CDK2: variants seen among roughly 807,000 people sequenced by gnomAD.
The protein encoded by CDK2 is cyclin-dependent kinase 2.
In CDK2, 8 loss-of-function variants were observed where a neutral mutation model predicts 35.0. That is an observed-to-expected ratio of 0.23 (90% CI 0.13 to 0.41). CDK2 has a LOEUF of 0.41. CDK2 is among the 10% of genes least tolerant of loss of function. The pLI is 1.00. For missense variants in CDK2, 201 were observed against 367.1 expected, an observed-to-expected ratio of 0.55 and a Z score of 3.70; for synonymous variants, 134 against 137.7, an observed-to-expected ratio of 0.97 and a Z score of 0.19.
chr12:55,970,841 G>C, intron 5 of CDK2: 1 of 697,848 alleles, frequency 1.4e-6, no homozygotes, highest in Admixed American at 2.0e-5. Flanking sequence ...AGCCATGGTT[G>C]GGGGAAGGAA....
intron 5 of CDK2, chr12:55,969,852 A>G (rs1250548991): frequency 1.1e-5 from 3 of 269,904 alleles, no homozygotes; most frequent in Non-Finnish European, 2.1e-5. Flanking sequence ...TGTAGTCTGC[A>G]TATATTTGGG....
chr12:55,967,741 C>G, intron 1 of CDK2, 116 bp from the exon 2 acceptor site: 2 of 823,682 alleles, frequency 2.4e-6, no homozygotes, highest in South Asian at 2.9e-5. Context: ...TTTCTCTTCT[C>G]TCACTTTCCT....
intron 4 of CDK2, 141 bp downstream of exon 4, chr12:55,969,089 T>A: frequency 1.6e-6 from 1 of 635,058 alleles, no homozygotes; most frequent in South Asian, 2.5e-5. Flanking sequence ...TCTTAGGGTA[T>A]GCATGGAATT....
chr12:55,969,498 T>C lies in CDK2; in HGVS notation c.510T>C (p.Ala170=). Residue 170 remains alanine, a synonymous_variant, in exon 5 of 7, where the codon GCT becomes GCC. Transcript: ENST00000266970. ...THEVVTLWYR[A]PEILLGCKYY... is the part of the protein sequence containing the mutation. ...AGGTGGTGACCCTGTGGTACCGAGC[T>C]CCTGAAATCCTCCTGGGCTGCAAAT... 6.2e-7 allele frequency: 1 copy of C among 1,608,804 alleles called. No homozygotes were observed. Among genetic ancestry groups the C allele is most frequent in the Non-Finnish European group, 8.5e-7 (1 of 1,177,334 alleles).
chr12:55,970,580 C>A (rs1889446942), intron 5 of CDK2: 1 of 701,032 alleles, frequency 1.4e-6, no homozygotes, highest in Non-Finnish European at 2.6e-6. Context: ...CTCAATTCAT[C>A]AAAAAATATT....
chr12:55,968,742 A>G, intron 3 of CDK2, 36 bp from the exon 4 acceptor site: 1 of 1,543,508 alleles, frequency 6.5e-7, no homozygotes, highest in Non-Finnish European at 8.7e-7. Flanking sequence ...GCTCACTGTA[A>G]TGGAGAAACA....
At chr12:55,968,282 T>TACACAC in intron 3 of CDK2, 113 bp downstream of exon 3, 1 of 993,674 alleles carries the variant, frequency 1.0e-6, no homozygotes, top group Non-Finnish European at 1.5e-6. Context: ...TCATCTCCTA[T>TACACAC]ACACACACAC....
At chr12:55,967,177 C>T (rs1416743951) in intron 1 of CDK2, 53 bp downstream of exon 1, 5 of 1,339,570 alleles carry the variant, frequency 3.7e-6, no homozygotes, top group East Asian at 2.4e-5. Flanking sequence ...TTGATTGTCC[C>T]CCCCAACCCC....
In CDK2 at chr12:55,971,760, A is replaced by C; in HGVS notation, c.*135A>C. On this transcript the variant is annotated 3_prime_UTR_variant, in exon 7 of 7. Transcript: ENST00000266970. ...AAACACTCACCTTCTAGTCTTGGCC[A>C]GCCAACTCTGGGAATACAGGGGTGA... The C allele has an allele frequency of 1.6e-6, 1 of 638,864 alleles. No homozygotes were observed. The allele number at this position is 638,864 out of a possible 1,614,324, so 39.6% of individuals were successfully genotyped here.
chr12:55,967,231 G>A, intron 1 of CDK2, 107 bp downstream of exon 1: 2 of 790,302 alleles, frequency 2.5e-6, no homozygotes, highest in Non-Finnish European at 4.3e-6. Context: ...GAGCAGGGAG[G>A]GACTTCTTTA....
rs557616713 is a variant in CDK2, at chr12:55,970,843, G to A, written c.589-201G>A. 74 of 698,552 alleles carry A rather than the reference G, an allele frequency of 1.1e-4. No homozygotes were observed. In the Admixed American group the frequency reaches 1.4e-3, roughly 13 times the overall value. The allele number at this position is 698,552 out of a possible 1,614,324, so 43.3% of individuals were successfully genotyped here. ...TGGGGATCTGCAAAGCCATGGTTGGGGGAAGGAAGGAGGGGGCGAGGAGAC... is the reference window on the plus strand; with the variant it reads ...TGGGGATCTGCAAAGCCATGGTTGGAGGAAGGAAGGAGGGGGCGAGGAGAC... On this transcript the variant is annotated intron_variant, in intron 5 of 6. Coordinates refer to ENST00000266970, the MANE Select transcript of CDK2 (RefSeq NM_001798.5).
At position 55,972,729 on chromosome 12, in the gene CDK2, T is replaced by G. The variant is rs1392689700; in HGVS notation, c.*1104T>G. 5.3e-5 allele frequency: 8 copies of G among 152,006 alleles called. No individual in the cohort carries two copies. The highest frequency in any genetic ancestry group is 1.9e-4 in the African/African-American group (8 of 41,366). 9.4% of individuals were successfully genotyped at this position (152,006 alleles called of 1,614,324 possible). On this transcript the variant is annotated 3_prime_UTR_variant, in exon 7 of 7. Coordinates refer to ENST00000266970, the MANE Select transcript of CDK2 (RefSeq NM_001798.5). The stretch of plus-strand genomic sequence containing the variant: ...CCTTGTCCTTGAGTGCTCTTGCTAT[T>G]AACGTTATTTGTAATTTAGTTTGTA...
intron 1 of CDK2, 65 bp downstream of exon 1, chr12:55,967,189 C>G (rs1363978999): frequency 3.9e-6 from 5 of 1,267,338 alleles, no homozygotes; most frequent in East Asian, 4.9e-5. Flanking sequence ...CCCAACCCCC[C>G]ACGGGCGGGT....
intron 4 of CDK2, among the ~76,000 whole-genome samples, 184 bp downstream of exon 4, chr12:55,969,132 A>C (rs888579567): frequency 1.3e-5 from 2 of 152,174 alleles, no homozygotes; most frequent in Non-Finnish European, 2.9e-5. Flanking sequence ...CCACACCTGT[A>C]ATACCAATAC....
chr12:55,972,736 A>T lies in CDK2; in HGVS notation c.*1111A>T, dbSNP rs941707963. The T allele has an allele frequency of 3.4e-4, 51 of 149,160 alleles. No individual in the cohort carries two copies. Among genetic ancestry groups the T allele is most frequent in the African/African-American group, 1.0e-3 (41 of 40,260 alleles). 9.2% of individuals were successfully genotyped at this position (149,160 alleles called of 1,614,324 possible). A position where few individuals can be genotyped will look rare whatever the true frequency, so the allele number is the denominator to read the frequency against. On this transcript the variant is annotated 3_prime_UTR_variant, in exon 7 of 7. Transcript: ENST00000266970. ...CTTGAGTGCTCTTGCTATTAACGTT[A>T]TTTGTAATTTAGTTTGTAGCTCATT...
Position 55,968,058 on chromosome 12 carries a change from T to C in CDK2, c.204T>C (p.Asp68=). The C allele has an allele frequency of 6.2e-7, 1 of 1,614,164 alleles. No homozygotes were observed. The highest frequency in any genetic ancestry group is 8.5e-7 in the Non-Finnish European group (1 of 1,180,030). The change falls in exon 3 of 7, where the codon GAT becomes GAC. Residue 68 remains aspartate (D), a synonymous_variant. Coordinates refer to ENST00000266970, the MANE Select transcript of CDK2 (RefSeq NM_001798.5). The part of the protein sequence containing the change: ...LNHPNIVKLL[D]VIHTENKLYL... The stretch of plus-strand genomic sequence containing the variant: ...AACTTTCCTTCTCTAGGCTGCTGGA[T>C]GTCATTCACACAGAAAATAAACTCT...
intron 3 of CDK2, 22 bp downstream of exon 3, chr12:55,968,191 T>C: frequency 1.2e-6 from 2 of 1,613,362 alleles, no homozygotes; most frequent in Non-Finnish European, 8.5e-7. Context: ...CATCAGCTCC[T>C]CTCATCATGG....
Position 55,971,908 on chromosome 12 carries a change from A to G in CDK2, c.*283A>G, listed in dbSNP as rs899578509. On this transcript the variant is annotated 3_prime_UTR_variant, in exon 7 of 7. Transcript: ENST00000266970. Reference sequence around the variant, plus strand: ...GAGGGTTGGTATAAAAATAATTTTAAAAAAGCCTTCCTACACGTTAGATTT... The same window carrying G: ...GAGGGTTGGTATAAAAATAATTTTAGAAAAGCCTTCCTACACGTTAGATTT... 12 of 376,110 alleles carry G rather than the reference A, an allele frequency of 3.2e-5. No homozygotes were observed. Among genetic ancestry groups the G allele is most frequent in the Non-Finnish European group, 4.8e-5 (10 of 209,404 alleles). The allele number at this position is 376,110 out of a possible 1,614,324, so 23.3% of individuals were successfully genotyped here.
chr12:55,971,553 T>A lies in CDK2; in HGVS notation c.825T>A (p.Ile275=), dbSNP rs147559857. 92 of 1,614,152 alleles carry A rather than the reference T, an allele frequency of 5.7e-5. No individual in the cohort carries two copies. The African/African-American group carries it at 1.1e-3, about 20-fold the overall frequency. Residue 275 remains isoleucine, a synonymous_variant, in exon 7 of 7, where the codon ATT becomes ATA. Transcript: ENST00000266970. The part of the protein sequence containing the change: ...QMLHYDPNKR[I]SAKAALAHPF... ...TGCACTACGACCCTAACAAGCGGAT[T>A]TCGGCCAAGGCAGCCCTGGCTCACC...
Sources: allele counts gnomAD v4.1 joint callset (sites outside exome capture counted in the v4.1 genomes callset), GRCh38; gene constraint gnomAD v4.1.1; transcripts MANE v1.5; gene names NCBI Gene and HGNC (gene_info 2026-07-23, HGNC 2026-07-21).